The following TEX101 variants were observed in gnomAD, a reference collection of about 807,000 sequenced individuals.
TEX101 encodes testis expressed 101, also known as testis-expressed protein 101.
In TEX101, 10 loss-of-function variants were observed where a neutral mutation model predicts 18.1. That is an observed-to-expected ratio of 0.55 (90% CI 0.34 to 0.94). TEX101 has a LOEUF of 0.94. TEX101 is among the 40% of genes least tolerant of loss of function. The pLI, the probability that TEX101 is intolerant of heterozygous loss-of-function variation, is 0.02. For missense variants in TEX101, 259 were observed against 298.9 expected (o/e 0.87, Z 0.98); for synonymous variants, 94 against 114.8 (o/e 0.82, Z 1.16).
the TEX101 span, among the ~76,000 whole-genome samples, chr19:43,390,144 A>G: frequency 8.7e-4 from 133 of 152,190 alleles, no homozygotes; most frequent in Admixed American, 5.7e-3. Flanking sequence ...CTTCAGCTCC[A>G]TTACATTTCC....
chr19:43,391,406 CTTTTTTTT>C, the TEX101 span, among the ~76,000 whole-genome samples: 43 of 95,898 alleles, frequency 4.5e-4, no homozygotes, highest in East Asian at 1.3e-3. Context: ...TTCTGTTTTT[CTTTTTTTT>C]TTTTTTTTTT....
the TEX101 span, among the ~76,000 whole-genome samples, chr19:43,390,506 C>T: frequency 1.7e-3 from 157 of 94,838 alleles, no homozygotes; most frequent in African/African-American, 6.0e-3. Context: ...CTCACTCTCT[C>T]ACCCATGCTG....
upstream of TEX101, among the ~76,000 whole-genome samples, chr19:43,414,161 G>A (rs1051672269): frequency 6.4e-5 from 9 of 141,150 alleles, no homozygotes; most frequent in African/African-American, 2.3e-4. Context: ...GAGGGGAGGG[G>A]AGGGAAGGGA....
At chr19:43,413,194 G>T (rs192442665), upstream of TEX101, among the ~76,000 whole-genome samples, 1 of 152,130 alleles carries the variant, frequency 6.6e-6, no homozygotes, top group South Asian at 2.1e-4. Context: ...TGGACCCCTC[G>T]AAGTTGTAAG....
At chr19:43,390,352 T>C in the TEX101 span, among the ~76,000 whole-genome samples, 1 of 151,976 alleles carries the variant, frequency 6.6e-6, no homozygotes. Flanking sequence ...ACAGCTGTTT[T>C]ATGCAAAACA....
At chr19:43,398,889 C>G (rs1690655436), upstream of TEX101, among the ~76,000 whole-genome samples, 1 of 152,168 alleles carries the variant, frequency 6.6e-6, no homozygotes, top group South Asian at 2.1e-4. Flanking sequence ...CTTGTTCCTG[C>G]TTTCTTTGGC....
chr19:43,394,654 T>C, the TEX101 span, among the ~76,000 whole-genome samples: 1 of 152,130 alleles, frequency 6.6e-6, no homozygotes, highest in Non-Finnish European at 1.5e-5. Flanking sequence ...GTATTTTTAG[T>C]AGAGACGGGG....
At chr19:43,415,619 T>C (rs1178167472) in intron 1 of TEX101, among the ~76,000 whole-genome samples, 1 of 151,852 alleles carries the variant, frequency 6.6e-6, no homozygotes, top group Non-Finnish European at 1.5e-5. Flanking sequence ...AAAAATTCAC[T>C]GGGTGTGGTG....
upstream of TEX101, among the ~76,000 whole-genome samples, chr19:43,411,399 T>A (rs1047027647): frequency 4.0e-5 from 6 of 151,610 alleles, no homozygotes; most frequent in Non-Finnish European, 5.9e-5. Flanking sequence ...TAAACAGGAG[T>A]AATGTGGTGT....
intron 4 of TEX101, 131 bp downstream of exon 4, chr19:43,416,686 T>C (rs770495924): frequency 2.3e-6 from 2 of 877,068 alleles, no homozygotes; most frequent in Non-Finnish European, 3.6e-6. Flanking sequence ...GTTCAAGTAA[T>C]TTTATGTTTC....
chr19:43,391,726 G>A, the TEX101 span, among the ~76,000 whole-genome samples: 1 of 152,124 alleles, frequency 6.6e-6, no homozygotes, highest in African/African-American at 2.4e-5. Context: ...TCATGACCCA[G>A]TTCTCTATGG....
intron 1 of TEX101, 49 bp from the exon 2 acceptor site, chr19:43,415,832 A>C (rs1376922530): frequency 9.8e-6 from 15 of 1,538,224 alleles, no homozygotes; most frequent in Non-Finnish European, 1.3e-5. Context: ...ATTTGATCTC[A>C]TGCACTCTGG....
At chr19:43,413,267 G>C (rs531439524), upstream of TEX101, among the ~76,000 whole-genome samples, 28 of 152,168 alleles carry the variant, frequency 1.8e-4, no homozygotes, top group South Asian at 1.0e-3. Context: ...CAGCACTTTG[G>C]GGGGCGGGCG....
At chr19:43,395,279 GA>G in the TEX101 span, among the ~76,000 whole-genome samples, 1 of 152,184 alleles carries the variant, frequency 6.6e-6, no homozygotes, top group East Asian at 1.9e-4. Context: ...CTTTTAGGTA[GA>G]TAAGGGGAGG....
intron 3 of TEX101, among the ~76,000 whole-genome samples, chr19:43,407,021 T>G (rs541099321): frequency 1.6e-4 from 24 of 151,510 alleles, no homozygotes; most frequent in Admixed American, 1.4e-3. Flanking sequence ...ATGTGAGCTA[T>G]GTGATCGGCG....
the TEX101 span, among the ~76,000 whole-genome samples, chr19:43,388,641 GCCGTTGAGT>G: frequency 3.3e-5 from 5 of 152,264 alleles, no homozygotes; most frequent in Non-Finnish European, 5.9e-5. Context: ...GACAAATGGT[GCCGTTGAGT>G]CCTCTCAACT....
chr19:43,408,315 G>C (rs1970388684), intron 3 of TEX101, among the ~76,000 whole-genome samples: 1 of 131,934 alleles, frequency 7.6e-6, no homozygotes. Context: ...GCTAGATCGG[G>C]GTTCGGGGAG....
upstream of TEX101, among the ~76,000 whole-genome samples, chr19:43,400,589 T>G (rs370870463): frequency 5.9e-5 from 9 of 152,340 alleles, no homozygotes; most frequent in East Asian, 1.2e-3. Context: ...AAGATCTATC[T>G]CACTAGAGTT....
chr19:43,407,726 C>T (rs1970380566), intron 3 of TEX101, among the ~76,000 whole-genome samples: 1 of 152,168 alleles, frequency 6.6e-6, no homozygotes, highest in Admixed American at 6.5e-5. Flanking sequence ...TATGCCCAGG[C>T]AGAACTATAG....
Sources: allele counts gnomAD v4.1 joint callset (sites outside exome capture counted in the v4.1 genomes callset), GRCh38; gene constraint gnomAD v4.1.1; transcripts MANE v1.5; gene names NCBI Gene and HGNC (gene_info 2026-07-23, HGNC 2026-07-21).